Variants in DCC observed in about 807,000 individuals in gnomAD.
The protein encoded by DCC is DCC netrin 1 receptor, also known as netrin receptor DCC.
Under a neutral mutation model 172.5 loss-of-function variants are expected in DCC, and 58 were observed. That is an observed-to-expected ratio of 0.34 (90% CI 0.27 to 0.42). DCC has a LOEUF of 0.42. Ranked by LOEUF, DCC falls within the 10% of genes least tolerant of loss-of-function variation. The pLI is 1.00. For missense variants in DCC, 1,740 were observed against 1,791.0 expected (o/e 0.97, Z 0.51); for synonymous variants, 709 against 644.5 (o/e 1.10, Z -1.52).
At chr18:53,152,129 G>A (rs1381640030) in intron 7 of DCC, among the ~76,000 whole-genome samples, 1 of 152,130 alleles carries the variant, frequency 6.6e-6, no homozygotes, top group Non-Finnish European at 1.5e-5. Flanking sequence ...TAAAGCAGAT[G>A]CAGCTAATAA....
At chr18:52,972,421 A>G (rs981609207) in intron 5 of DCC, among the ~76,000 whole-genome samples, 3 of 152,138 alleles carry the variant, frequency 2.0e-5, no homozygotes, top group African/African-American at 7.2e-5. Context: ...GATAAGCTCC[A>G]CAGCCTCCAA....
Position 52,682,702 on chromosome 18 carries a change from G to A in DCC, c.92-69352G>A, listed in dbSNP as rs535795268. On this transcript the variant is annotated intron_variant, in intron 1 of 28. Transcript: ENST00000442544. ...AAGCAGACAAATATAAAATATGTCAGGTAGTGATAAATGTAGTGAAGAAAA... is the reference window on the plus strand; with the variant it reads ...AAGCAGACAAATATAAAATATGTCAAGTAGTGATAAATGTAGTGAAGAAAA... Among the ~76,000 whole-genome samples, 4 of 150,910 alleles carry A rather than the reference G, an allele frequency of 2.7e-5. No homozygotes were observed. The East Asian group carries it at 7.9e-4, about 30-fold the overall frequency.
At chr18:53,133,925 CAGTT>C (rs1316559885) in intron 7 of DCC, among the ~76,000 whole-genome samples, 2 of 152,128 alleles carry the variant, frequency 1.3e-5, no homozygotes, top group Non-Finnish European at 2.9e-5. Context: ...GAATGCATGT[CAGTT>C]AGGCTGGAAA....
At chr18:52,923,282 TTG>T (rs1461972762) in intron 3 of DCC, among the ~76,000 whole-genome samples, 1 of 152,172 alleles carries the variant, frequency 6.6e-6, no homozygotes, top group African/African-American at 2.4e-5. Flanking sequence ...TCTAATATAT[TTG>T]TTTCTCTTAT....
intron 1 of DCC, among the ~76,000 whole-genome samples, chr18:52,569,342 G>A (rs1386975968): frequency 6.6e-6 from 1 of 152,142 alleles, no homozygotes; most frequent in African/African-American, 2.4e-5. Context: ...TATAAAGTGA[G>A]CACAGTCTTA....
intron 1 of DCC, among the ~76,000 whole-genome samples, chr18:52,341,377 A>G (rs1405693339): frequency 6.6e-6 from 1 of 152,114 alleles, no homozygotes; most frequent in Non-Finnish European, 1.5e-5. Context: ...GGACTTGGTG[A>G]TTGAGAATAG....
intron 15 of DCC, among the ~76,000 whole-genome samples, chr18:53,371,774 GA>G (rs971992112): frequency 4.0e-5 from 6 of 151,460 alleles, no homozygotes; most frequent in Non-Finnish European, 8.9e-5. Context: ...GAATTTACAA[GA>G]AAAAAAGCCC....
intron 3 of DCC, among the ~76,000 whole-genome samples, chr18:52,921,699 A>AAT (rs2040127676): frequency 4.1e-5 from 5 of 123,446 alleles, no homozygotes; most frequent in South Asian, 2.3e-4. Context: ...TCCATCTCAA[A>AAT]AATAAAAATA....
At chr18:52,922,314 G>T (rs796525115) in intron 3 of DCC, among the ~76,000 whole-genome samples, 3 of 152,084 alleles carry the variant, frequency 2.0e-5, no homozygotes, top group East Asian at 3.9e-4. Flanking sequence ...TTGAGAACTG[G>T]TGTCCTTTTT....
At chr18:52,899,597 C>T (rs1372498033) in intron 2 of DCC, among the ~76,000 whole-genome samples, 5 of 151,876 alleles carry the variant, frequency 3.3e-5, no homozygotes, top group Admixed American at 6.6e-5. Context: ...TCAGGTGATC[C>T]GCCCGCCTCA....
intron 11 of DCC, among the ~76,000 whole-genome samples, chr18:53,212,485 C>T (rs776125699): frequency 1.3e-5 from 2 of 152,014 alleles, no homozygotes; most frequent in Non-Finnish European, 2.9e-5. Context: ...AGGAACTGAT[C>T]ACTAAAAATA....
At position 53,090,635 on chromosome 18, in the gene DCC, A is replaced by G. The variant is rs2042989066; in HGVS notation, c.1261+24469A>G. On this transcript the variant is annotated intron_variant, in intron 7 of 28. Coordinates refer to ENST00000442544, the MANE Select transcript of DCC (RefSeq NM_005215.4). ...CATGAACCCGGGAGGCAGAGCTTGCAGTGAGCCGAGATCACACCACTGCAC... is the reference window on the plus strand; with the variant it reads ...CATGAACCCGGGAGGCAGAGCTTGCGGTGAGCCGAGATCACACCACTGCAC... 2.9e-5 allele frequency among the ~76,000 whole-genome samples: 4 copies of G among 136,042 alleles called. No homozygotes were observed. In the South Asian group the frequency reaches 1.0e-3, roughly 34 times the overall value. 89.2% of individuals were successfully genotyped at this position (136,042 alleles called of 152,430 possible). A position where few individuals can be genotyped will look rare whatever the true frequency, so the allele number is the denominator to read the frequency against.
At chr18:53,108,616 C>CAA (rs2043284522) in intron 7 of DCC, among the ~76,000 whole-genome samples, 1 of 151,710 alleles carries the variant, frequency 6.6e-6, no homozygotes, top group South Asian at 2.1e-4. Context: ...GAGAGTTGTA[C>CAA]TTCCCAAGCA....
chr18:53,239,345 A>T (rs989032727), intron 12 of DCC, among the ~76,000 whole-genome samples: 1 of 152,038 alleles, frequency 6.6e-6, no homozygotes, highest in Admixed American at 6.6e-5. Flanking sequence ...GGTTCCTCCC[A>T]GGTAGATCAT....
At chr18:52,369,676 A>C (rs1985032734) in intron 1 of DCC, among the ~76,000 whole-genome samples, 1 of 151,628 alleles carries the variant, frequency 6.6e-6, no homozygotes, top group African/African-American at 2.4e-5. Flanking sequence ...TATATAAACC[A>C]AATCTGTATT....
At chr18:52,502,302 T>C (rs1216929465) in intron 1 of DCC, among the ~76,000 whole-genome samples, 4 of 152,184 alleles carry the variant, frequency 2.6e-5, no homozygotes, top group African/African-American at 9.6e-5. Flanking sequence ...GACAAGAATA[T>C]TGACTATATC....
chr18:52,602,488 G>A (rs2034037261), intron 1 of DCC, among the ~76,000 whole-genome samples: 1 of 151,330 alleles, frequency 6.6e-6, no homozygotes, highest in African/African-American at 2.4e-5. Flanking sequence ...GCCAGCAGGG[G>A]ATCAGTGACA....
At chr18:53,470,263 T>C (rs1398814642) in intron 25 of DCC, among the ~76,000 whole-genome samples, 2 of 152,212 alleles carry the variant, frequency 1.3e-5, no homozygotes, top group Non-Finnish European at 2.9e-5. Context: ...CACCAGTCTT[T>C]GCTAAAACAT....
intron 1 of DCC, among the ~76,000 whole-genome samples, chr18:52,596,446 A>G (rs2033911798): frequency 6.6e-6 from 1 of 152,186 alleles, no homozygotes; most frequent in African/African-American, 2.4e-5. Context: ...TGATCACTGA[A>G]CCTCGTGATC....
Sources: gnomAD v4.1 joint callset for allele counts (sites outside exome capture counted in the v4.1 genomes callset) on GRCh38, gnomAD v4.1.1 for gene constraint, MANE v1.5 for transcripts, NCBI Gene and HGNC (gene_info 2026-07-23, HGNC 2026-07-21) for gene names.